Variants in ANOS1 observed in about 807,000 individuals in gnomAD.
The protein encoded by ANOS1 is anosmin-1.
ANOS1 carries 6 observed loss-of-function variants against 59.0 expected under a neutral mutation model. The observed-to-expected ratio is 0.10, with a 90% CI of 0.06 to 0.20. The LOEUF is 0.20. Ranked by LOEUF, ANOS1 falls within the 10% of genes least tolerant of loss-of-function variation. ANOS1 has a pLI of 1.00. For synonymous variants in ANOS1, 217 were observed against 223.4 expected (o/e 0.97, Z 0.25); for missense variants, 433 against 542.3 (o/e 0.80, Z 2.00).
intron 2 of ANOS1, among the ~76,000 whole-genome samples, chrX:8,627,805 C>A (rs189436728): frequency 4.5e-4 from 49 of 108,242 alleles, no homozygotes; most frequent in Middle Eastern, 4.8e-3. Flanking sequence ...TCTCATACTT[C>A]ATGTAGAACA....
At chrX:8,679,979 G>A (rs1932396930) in intron 2 of ANOS1, among the ~76,000 whole-genome samples, 1 of 109,267 alleles carries the variant, frequency 9.2e-6, no homozygotes, top group South Asian at 4.0e-4. Context: ...TGGCCAATGT[G>A]GTGAAACCCC....
At chrX:8,535,489 T>C in intron 12 of ANOS1, 102 bp downstream of exon 12, 1 of 615,424 alleles carries the variant, frequency 1.6e-6, no homozygotes, top group Non-Finnish European at 2.7e-6. Flanking sequence ...TAAGACTCAA[T>C]AGTGCAGCAC....
chrX:8,656,956 G>A (rs1286081399), intron 2 of ANOS1, among the ~76,000 whole-genome samples: 1 of 111,920 alleles, frequency 8.9e-6, no homozygotes, highest in Non-Finnish European at 1.9e-5. Context: ...AGGTGTCTTT[G>A]TTATTCATGG....
chrX:8,659,623 TTCCTTCC>T (rs774754011), intron 2 of ANOS1, among the ~76,000 whole-genome samples: 5,193 of 64,438 alleles, frequency 0.081, 337 homozygotes, highest in African/African-American at 0.25. Flanking sequence ...CCTTCCTTCC[TTCCTTCC>T]TTCTTTCTTT....
chrX:8,725,210 A>G (rs1932902023), intron 1 of ANOS1, among the ~76,000 whole-genome samples: 1 of 111,047 alleles, frequency 9.0e-6, no homozygotes, highest in Admixed American at 9.7e-5. Context: ...CCAAAATGGT[A>G]TGAGAGTCAG....
chrX:8,579,888 C>G (rs1381921952), intron 6 of ANOS1, among the ~76,000 whole-genome samples: 2 of 111,811 alleles, frequency 1.8e-5, no homozygotes, highest in Non-Finnish European at 3.8e-5. Flanking sequence ...TCACCCTTTA[C>G]TGTATTCCTT....
chrX:8,650,744 G>A (rs193001789), intron 2 of ANOS1, among the ~76,000 whole-genome samples: 2 of 111,842 alleles, frequency 1.8e-5, no homozygotes, highest in Non-Finnish European at 3.8e-5. Flanking sequence ...AGGGGCTGAT[G>A]AGAATGAATT....
rs1371436637 is a variant in ANOS1 at position 8,531,806 on chromosome X, A to C, written c.*1189T>G. On this transcript the variant is annotated 3_prime_UTR_variant, in exon 14 of 14. Coordinates refer to ENST00000262648, the MANE Select transcript of ANOS1 (RefSeq NM_000216.4). ...GTATGTGAGTATTCCTTCAAGAAAA[A>C]AAACAGTATTAAATTAAACTTCTCT... 1.8e-5 allele frequency: 2 copies of C among 111,707 alleles called. No homozygotes were observed. Among genetic ancestry groups the C allele is most frequent in the Non-Finnish European group, 3.8e-5 (2 of 53,113 alleles). The allele number at this position is 111,707 out of a possible 1,213,427, so 9.2% of individuals were successfully genotyped here.
intron 1 of ANOS1, among the ~76,000 whole-genome samples, chrX:8,707,442 G>A (rs1426445010): frequency 9.0e-6 from 1 of 111,642 alleles, no homozygotes; most frequent in African/African-American, 3.3e-5. Flanking sequence ...CAAGAGATTT[G>A]GCATGATGAC....
intron 2 of ANOS1, among the ~76,000 whole-genome samples, chrX:8,671,863 G>A (rs1171117727): frequency 9.1e-6 from 1 of 110,411 alleles, no homozygotes; most frequent in East Asian, 2.8e-4. Context: ...TGTACACATT[G>A]TGGAATAGTT....
At chrX:8,698,776 T>C (rs1371843756) in intron 2 of ANOS1, among the ~76,000 whole-genome samples, 6 of 112,008 alleles carry the variant, frequency 5.4e-5, no homozygotes, top group African/African-American at 1.9e-4. Context: ...GTGAGCATGA[T>C]TGTGGAAATG....
At chrX:8,709,088 G>A (rs1240085097) in intron 1 of ANOS1, among the ~76,000 whole-genome samples, 2 of 109,075 alleles carry the variant, frequency 1.8e-5, no homozygotes, top group Admixed American at 9.9e-5. Context: ...ATAGGGAAGG[G>A]AACATTACAC....
chrX:8,696,081 GTA>G (rs1491139689), intron 2 of ANOS1, among the ~76,000 whole-genome samples: 7 of 111,867 alleles, frequency 6.3e-5, no homozygotes, highest in Non-Finnish European at 1.3e-4. Flanking sequence ...TGCAAGGCTG[GTA>G]TGGGGCCCCA....
intron 2 of ANOS1, among the ~76,000 whole-genome samples, chrX:8,668,523 G>C (rs1424115787): frequency 1.5e-5 from 1 of 65,385 alleles, no homozygotes; most frequent in Non-Finnish European, 2.8e-5. Flanking sequence ...ATATATGATA[G>C]TCCATATATA....
At chrX:8,724,569 G>C (rs1932897835) in intron 1 of ANOS1, among the ~76,000 whole-genome samples, 1 of 112,471 alleles carries the variant, frequency 8.9e-6, no homozygotes, top group Non-Finnish European at 1.9e-5. Context: ...CATCAAGGGA[G>C]GAGGATGCAT....
chrX:8,711,318 T>C (rs1175767178), intron 1 of ANOS1, among the ~76,000 whole-genome samples: 1 of 112,457 alleles, frequency 8.9e-6, no homozygotes, highest in African/African-American at 3.2e-5. Flanking sequence ...TCTCCCTTTG[T>C]AGATGAGTCA....
chrX:8,630,206 G>T (rs781164803), intron 2 of ANOS1, among the ~76,000 whole-genome samples: 1 of 111,950 alleles, frequency 8.9e-6, no homozygotes, highest in South Asian at 3.7e-4. Context: ...GAGGTGGGCA[G>T]ATCACTTGAG....
At chrX:8,635,803 G>A (rs1280473758) in intron 2 of ANOS1, among the ~76,000 whole-genome samples, 1 of 111,185 alleles carries the variant, frequency 9.0e-6, no homozygotes, top group African/African-American at 3.3e-5. Flanking sequence ...CAAATCCATC[G>A]CTCAGCTTTC....
intron 3 of ANOS1, among the ~76,000 whole-genome samples, chrX:8,599,978 T>A (rs1205560557): frequency 8.9e-6 from 1 of 112,136 alleles, no homozygotes; most frequent in African/African-American, 3.2e-5. Context: ...GATTCTCAGA[T>A]TGATGATGAC....
Sources: allele counts gnomAD v4.1 joint callset (sites outside exome capture counted in the v4.1 genomes callset), GRCh38; gene constraint gnomAD v4.1.1; transcripts MANE v1.5; gene names NCBI Gene and HGNC (gene_info 2026-07-23, HGNC 2026-07-21).